The following POU6F2 variants were observed in gnomAD, a reference collection of about 807,000 sequenced individuals.
POU6F2 encodes POU class 6 homeobox 2, also known as POU domain, class 6, transcription factor 2.
In POU6F2, 31 loss-of-function variants were observed where a neutral mutation model predicts 71.3. The ratio of observed to expected loss-of-function variants is 0.43; its 90% CI spans 0.33 to 0.59. The LOEUF (loss-of-function observed/expected upper bound fraction) is 0.59, where lower values mean the gene tolerates loss of function less well. Among genes scored for constraint, POU6F2 ranks in the 20% least tolerant of loss-of-function variants. The pLI is 0.04. For synonymous variants in POU6F2, 347 were observed against 355.7 expected (o/e 0.98, Z 0.27); for missense variants, 783 against 856.8 (o/e 0.91, Z 1.07).
intron 2 of POU6F2, among the ~76,000 whole-genome samples, chr7:39,126,216 T>TACA (rs1183892569): frequency 1.3e-5 from 2 of 152,198 alleles, no homozygotes; most frequent in Non-Finnish European, 2.9e-5. Flanking sequence ...GTATAAGGTA[T>TACA]ACAGCACTGT....
chr7:39,136,754 G>A (rs967882704), intron 2 of POU6F2, among the ~76,000 whole-genome samples: 1 of 151,920 alleles, frequency 6.6e-6, no homozygotes, highest in South Asian at 2.1e-4. Context: ...AGCACTTTGG[G>A]AGGCTGAGAC....
chr7:39,288,039 T>C (rs1191165420), intron 4 of POU6F2, among the ~76,000 whole-genome samples: 6 of 152,210 alleles, frequency 3.9e-5, no homozygotes. Flanking sequence ...GCTTGGTTCG[T>C]AGCAATTAAC....
intron 1 of POU6F2, among the ~76,000 whole-genome samples, chr7:38,985,437 A>T (rs927007386): frequency 5.3e-5 from 8 of 152,128 alleles, no homozygotes; most frequent in African/African-American, 1.7e-4. Flanking sequence ...CATTAAAAAA[A>T]AATCCAGAAT....
Position 38,999,408 on chromosome 7 carries a change from T to C in POU6F2, c.105+21350T>C, listed in dbSNP as rs75668677. Among the ~76,000 whole-genome samples, 1,092 of 152,340 alleles carry C rather than the reference T, an allele frequency of 7.2e-3. 12 individuals carry two copies. Among genetic ancestry groups the C allele is most frequent in the African/African-American group, 0.025 (1,053 of 41,580 alleles). Reference sequence around the variant, plus strand: ...TCCAAGGCTGTTCAGGTACTCCATTTTTATCGCCATTCAGAACTTACAGCT... The same window carrying C: ...TCCAAGGCTGTTCAGGTACTCCATTCTTATCGCCATTCAGAACTTACAGCT... On this transcript the variant is annotated intron_variant, in intron 1 of 9. Transcript: ENST00000518318.
At chr7:39,147,624 A>T (rs1792649913) in intron 2 of POU6F2, among the ~76,000 whole-genome samples, 1 of 152,050 alleles carries the variant, frequency 6.6e-6, no homozygotes, top group African/African-American at 2.4e-5. Context: ...TTGTAAAAAC[A>T]CTCCAGTGTT....
chr7:39,265,582 C>G (rs1784223845), intron 4 of POU6F2, among the ~76,000 whole-genome samples: 1 of 152,186 alleles, frequency 6.6e-6, no homozygotes, highest in African/African-American at 2.4e-5. Flanking sequence ...AATGTGCTAT[C>G]AAAATTAAAA....
At chr7:39,205,584 C>T (rs1793994333) in intron 3 of POU6F2, among the ~76,000 whole-genome samples, 1 of 152,118 alleles carries the variant, frequency 6.6e-6, no homozygotes, top group African/African-American at 2.4e-5. Flanking sequence ...TCACTATTGG[C>T]AGTGATGTAA....
At chr7:39,078,429 C>G (rs1791040300) in intron 1 of POU6F2, among the ~76,000 whole-genome samples, 1 of 152,128 alleles carries the variant, frequency 6.6e-6, no homozygotes, top group South Asian at 2.1e-4. Flanking sequence ...ACTAATTTAA[C>G]CAAATGAGAA....
At chr7:39,200,041 G>C (rs1793864866) in intron 2 of POU6F2, among the ~76,000 whole-genome samples, 1 of 152,192 alleles carries the variant, frequency 6.6e-6, no homozygotes, top group South Asian at 2.1e-4. Context: ...ATGTATCTGA[G>C]ATGATTCCTC....
intron 1 of POU6F2, among the ~76,000 whole-genome samples, chr7:39,065,007 A>T (rs1790729000): frequency 6.6e-6 from 1 of 151,848 alleles, no homozygotes; most frequent in Non-Finnish European, 1.5e-5. Flanking sequence ...CTTTAGCTAG[A>T]CCAAGGAGAC....
chr7:39,352,914 T>A (rs1786166806), intron 5 of POU6F2, among the ~76,000 whole-genome samples: 1 of 152,196 alleles, frequency 6.6e-6, no homozygotes, highest in African/African-American at 2.4e-5. Context: ...CCCAGCCACC[T>A]TTGGAAGCCA....
chr7:39,418,323 A>G (rs1787730064), intron 6 of POU6F2, among the ~76,000 whole-genome samples: 1 of 152,222 alleles, frequency 6.6e-6, no homozygotes, highest in Non-Finnish European at 1.5e-5. Context: ...GCATAAATTC[A>G]TCATTTCATT....
intron 2 of POU6F2, among the ~76,000 whole-genome samples, chr7:39,181,157 C>T (rs77308399): frequency 0.05 from 7,602 of 152,240 alleles, 285 homozygotes; most frequent in East Asian, 0.13. Flanking sequence ...ACTGTTCACT[C>T]GTGTCCACCC....
chr7:39,274,595 C>A (rs1269385721), intron 4 of POU6F2, among the ~76,000 whole-genome samples: 3 of 130,012 alleles, frequency 2.3e-5, no homozygotes, highest in Non-Finnish European at 3.3e-5. Flanking sequence ...GAGACACAAC[C>A]AAAAAAGAGA....
chr7:39,221,118 C>T (rs1023670333), intron 4 of POU6F2, among the ~76,000 whole-genome samples: 7 of 152,154 alleles, frequency 4.6e-5, no homozygotes, highest in African/African-American at 1.2e-4. Flanking sequence ...CCATTTGCAG[C>T]TTACATTATG....
intron 5 of POU6F2, among the ~76,000 whole-genome samples, chr7:39,397,324 TTATA>T (rs59584919): frequency 2.7e-5 from 4 of 145,638 alleles, no homozygotes; most frequent in African/African-American, 5.0e-5. Context: ...AGTATATATA[TTATA>T]TATATATATA....
At chr7:39,225,566 A>G (rs1164695174) in intron 4 of POU6F2, among the ~76,000 whole-genome samples, 1 of 152,214 alleles carries the variant, frequency 6.6e-6, no homozygotes, top group Non-Finnish European at 1.5e-5. Flanking sequence ...TTCTCAATGT[A>G]CTGGGGTTGA....
chr7:39,211,655 G>C (rs1794144944), intron 4 of POU6F2, among the ~76,000 whole-genome samples: 1 of 152,186 alleles, frequency 6.6e-6, no homozygotes, highest in African/African-American at 2.4e-5. Flanking sequence ...ACAGTTGTAA[G>C]GAGTTAGACA....
chr7:39,062,661 G>A (rs895629281), intron 1 of POU6F2, among the ~76,000 whole-genome samples: 4 of 146,004 alleles, frequency 2.7e-5, no homozygotes, highest in African/African-American at 1.0e-4. Context: ...GTCCAGCAAA[G>A]CCATACTAGA....
Sources: allele counts gnomAD v4.1 joint callset (sites outside exome capture counted in the v4.1 genomes callset), GRCh38; gene constraint gnomAD v4.1.1; transcripts MANE v1.5; gene names NCBI Gene and HGNC (gene_info 2026-07-23, HGNC 2026-07-21).